Variants in CCSER1 observed in about 807,000 individuals in gnomAD.
The protein encoded by CCSER1 is coiled-coil serine rich protein 1.
A neutral mutation model predicts 82.0 loss-of-function variants in CCSER1; 41 were observed. That is an observed-to-expected ratio of 0.50 (90% CI 0.39 to 0.65). The LOEUF (loss-of-function observed/expected upper bound fraction) is 0.65. Among genes scored for constraint, CCSER1 ranks in the 30% least tolerant of loss-of-function variants. The pLI is 0.00. For synonymous variants in CCSER1, 414 were observed against 383.9 expected, an observed-to-expected ratio of 1.08 and a Z score of -0.92; for missense variants, 1,119 against 1,064.2, an observed-to-expected ratio of 1.05 and a Z score of -0.72.
intron 10 of CCSER1, among the ~76,000 whole-genome samples, chr4:91,104,371 G>T (rs1360718631): frequency 1.3e-5 from 2 of 152,098 alleles, no homozygotes; most frequent in African/African-American, 2.4e-5. Context: ...TGGTTTTGAG[G>T]CTCAGGTGGG....
intron 10 of CCSER1, among the ~76,000 whole-genome samples, chr4:91,538,698 C>CATATATTATATATATATATTATATATAT: frequency 1.4e-5 from 2 of 138,340 alleles, no homozygotes; most frequent in Non-Finnish European, 3.1e-5. Context: ...TATATATACA[C>CATATATTATATATATATATTATATATAT]ATATATATAT....
At chr4:91,173,195 T>C (rs1275982703) in intron 10 of CCSER1, among the ~76,000 whole-genome samples, 1 of 152,220 alleles carries the variant, frequency 6.6e-6, no homozygotes, top group East Asian at 1.9e-4. Flanking sequence ...TTGATTAATT[T>C]ATTCAGAATG....
chr4:90,741,549 T>G (rs191817818), intron 7 of CCSER1, among the ~76,000 whole-genome samples: 16 of 152,322 alleles, frequency 1.1e-4, no homozygotes, highest in Admixed American at 1.0e-3. Flanking sequence ...ACTGTTATAT[T>G]TTTGATATAA....
chr4:90,383,730 T>C (rs28575953), intron 3 of CCSER1, among the ~76,000 whole-genome samples: 1 of 129,368 alleles, frequency 7.7e-6, no homozygotes, highest in South Asian at 2.7e-4. Flanking sequence ...TTTCTTCCTT[T>C]CTTTTTTTTT....
chr4:91,281,846 C>T (rs568270685), intron 10 of CCSER1, among the ~76,000 whole-genome samples: 3 of 151,846 alleles, frequency 2.0e-5, no homozygotes, highest in Admixed American at 6.6e-5. Flanking sequence ...TTGTAGTATT[C>T]CTCTTTCCCT....
intron 7 of CCSER1, among the ~76,000 whole-genome samples, chr4:90,750,687 AC>A (rs765264459): frequency 6.6e-5 from 10 of 152,204 alleles, no homozygotes; most frequent in Non-Finnish European, 1.3e-4. Flanking sequence ...ATTTTGAAGA[AC>A]AATTCTATGC....
chr4:90,616,767 GA>G (rs112549281), intron 5 of CCSER1, among the ~76,000 whole-genome samples: 1 of 149,580 alleles, frequency 6.7e-6, no homozygotes, highest in Non-Finnish European at 1.5e-5. Flanking sequence ...GGGAGAGAGA[GA>G]AAAAATGTTT....
At chr4:91,365,887 G>A (rs139384565) in intron 10 of CCSER1, among the ~76,000 whole-genome samples, 95 of 152,238 alleles carry the variant, frequency 6.2e-4, no homozygotes, top group African/African-American at 2.0e-3. Flanking sequence ...CCCATGAGAA[G>A]TTCCCTATGG....
chr4:90,434,930 A>G (rs1189993425), intron 4 of CCSER1, among the ~76,000 whole-genome samples: 2 of 152,248 alleles, frequency 1.3e-5, no homozygotes, highest in East Asian at 1.9e-4. Context: ...TCGGACAACA[A>G]TGTGGTTGGT....
At chr4:90,649,389 G>A (rs1220790646) in intron 6 of CCSER1, 1 of 152,164 alleles carries the variant, frequency 6.6e-6, no homozygotes, top group African/African-American at 2.4e-5. Context: ...AACCTTCAAT[G>A]TGACTATGCT....
intron 1 of CCSER1, among the ~76,000 whole-genome samples, chr4:90,245,411 C>G (rs1390558203): frequency 2.6e-5 from 4 of 151,058 alleles, no homozygotes; most frequent in African/African-American, 7.4e-5. Context: ...CTGACCCCTT[C>G]TCTAAGGTCA....
At chr4:91,269,742 TAAAC>T (rs991307478) in intron 10 of CCSER1, among the ~76,000 whole-genome samples, 3 of 152,170 alleles carry the variant, frequency 2.0e-5, no homozygotes, top group African/African-American at 4.8e-5. Context: ...GACTGCTTCT[TAAAC>T]TATTTAAATA....
intron 7 of CCSER1, among the ~76,000 whole-genome samples, chr4:90,815,115 A>G (rs934194495): frequency 2.6e-5 from 4 of 152,196 alleles, no homozygotes; most frequent in Non-Finnish European, 4.4e-5. Context: ...GAAACTTACA[A>G]TCATGGTGGA....
Position 90,947,722 on chromosome 4 carries a change from C to T in CCSER1, c.2172+24275C>T, listed in dbSNP as rs1054930875. On this transcript the variant is annotated intron_variant, in intron 9 of 10. Transcript: ENST00000509176. ...CACTTTTTAGTCATTTATCTCCTTA[C>T]AACCTATCATGAAGCACATTTTTTC... Among the ~76,000 whole-genome samples the T allele has an allele frequency of 4.6e-5, 7 of 152,236 alleles. No homozygotes were observed. In the East Asian group the frequency reaches 5.8e-4, roughly 13 times the overall value.
At chr4:91,440,565 G>A (rs1386148486) in intron 10 of CCSER1, among the ~76,000 whole-genome samples, 2 of 152,086 alleles carry the variant, frequency 1.3e-5, no homozygotes, top group Admixed American at 6.6e-5. Flanking sequence ...AAGAACTAGA[G>A]AAGCAACAGC....
At chr4:90,580,611 A>C (rs1332857173) in intron 5 of CCSER1, among the ~76,000 whole-genome samples, 1 of 152,224 alleles carries the variant, frequency 6.6e-6, no homozygotes, top group Non-Finnish European at 1.5e-5. Flanking sequence ...CTCAGAGCTC[A>C]TTTCCTAGGA....
intron 10 of CCSER1, among the ~76,000 whole-genome samples, chr4:91,162,099 C>T (rs1421877477): frequency 1.3e-5 from 2 of 152,080 alleles, no homozygotes; most frequent in Admixed American, 6.6e-5. Context: ...TTTTGAGATA[C>T]ATTCCATCAA....
rs113169363 is a variant in CCSER1, at chr4:90,486,940, C to G, written c.1724+18586C>G. 9.8e-3 allele frequency among the ~76,000 whole-genome samples: 1,490 copies of G among 152,320 alleles called. 22 individuals carry two copies. The highest frequency in any genetic ancestry group is 0.034 in the African/African-American group (1,413 of 41,564). ...CTCTATATATATTTTGAGACAAAGT[C>G]TTGCTCTGTTGCCCAGGCTGGAGTG... On this transcript the variant is annotated intron_variant, in intron 5 of 10. Transcript: ENST00000509176.
intron 5 of CCSER1, among the ~76,000 whole-genome samples, chr4:90,595,644 G>A (rs1783236807): frequency 6.6e-6 from 1 of 151,802 alleles, no homozygotes. Context: ...GGGTGGTTCT[G>A]GTCTTAATTC....
Sources: allele counts gnomAD v4.1 joint callset (sites outside exome capture counted in the v4.1 genomes callset), GRCh38; gene constraint gnomAD v4.1.1; transcripts MANE v1.5; gene names NCBI Gene and HGNC (gene_info 2026-07-23, HGNC 2026-07-21).